Variants in TAFA1 observed in about 807,000 individuals in gnomAD.
TAFA1 encodes the protein TAFA chemokine like family member 1.
In TAFA1, 4 loss-of-function variants were observed where a neutral mutation model predicts 18.5. That is an observed-to-expected ratio of 0.22 (90% CI 0.11 to 0.49). TAFA1 has a LOEUF of 0.49. TAFA1 is among the 20% of genes least tolerant of loss of function. The pLI, the probability that TAFA1 is intolerant of heterozygous loss-of-function variation, is 0.98. For missense variants in TAFA1, 147 were observed against 169.0 expected (o/e 0.87, Z 0.72); for synonymous variants, 56 against 55.2 (o/e 1.01, Z -0.06).
chr3:68,530,071 G>A, intron 3 of TAFA1, among the ~76,000 whole-genome samples: 1 of 152,136 alleles, frequency 6.6e-6, no homozygotes. Context: ...GATCTAAACT[G>A]TCATCTTTGA....
intron 3 of TAFA1, among the ~76,000 whole-genome samples, chr3:68,443,791 A>G (rs1179854185): frequency 6.6e-6 from 1 of 152,200 alleles, no homozygotes; most frequent in African/African-American, 2.4e-5. Context: ...CAGCCAAACC[A>G]TATCAGGGTC....
chr3:68,287,232 GC>G (rs1559600251), intron 2 of TAFA1, among the ~76,000 whole-genome samples: 1 of 152,144 alleles, frequency 6.6e-6, no homozygotes, highest in African/African-American at 2.4e-5. Flanking sequence ...GCGGACACAA[GC>G]CAAAGTGGAA....
intron 3 of TAFA1, among the ~76,000 whole-genome samples, chr3:68,465,586 T>G (rs2071873145): frequency 6.6e-6 from 1 of 152,212 alleles, no homozygotes; most frequent in Admixed American, 6.6e-5. Flanking sequence ...AAAGTCTAGA[T>G]GCAGATATTT....
chr3:68,406,383 G>A (rs992628898), intron 2 of TAFA1, among the ~76,000 whole-genome samples: 2 of 152,108 alleles, frequency 1.3e-5, no homozygotes, highest in African/African-American at 4.8e-5. Context: ...GGGGATTTAA[G>A]TCAAGAATAT....
At chr3:68,365,176 A>T (rs1320542617) in intron 2 of TAFA1, among the ~76,000 whole-genome samples, 1 of 152,212 alleles carries the variant, frequency 6.6e-6, no homozygotes, top group Non-Finnish European at 1.5e-5. Context: ...CCCAGTAAGT[A>T]TACTGAGGTC....
chr3:68,205,049 T>G (rs532687200), intron 2 of TAFA1, among the ~76,000 whole-genome samples: 1 of 151,996 alleles, frequency 6.6e-6, no homozygotes, highest in Non-Finnish European at 1.5e-5. Context: ...TGTAATGTGT[T>G]GGAATTCCAT....
intron 2 of TAFA1, among the ~76,000 whole-genome samples, chr3:68,126,891 C>T (rs1270358955): frequency 3.3e-5 from 5 of 152,168 alleles, no homozygotes; most frequent in East Asian, 1.9e-4. Flanking sequence ...GTGATCTGCA[C>T]GACCTCTTCA....
intron 2 of TAFA1, among the ~76,000 whole-genome samples, chr3:68,404,691 G>C (rs769083562): frequency 1.3e-5 from 2 of 152,058 alleles, no homozygotes; most frequent in Non-Finnish European, 2.9e-5. Context: ...CAGCTACTTG[G>C]GAGGCTGAGG....
chr3:68,459,111 G>C (rs186051608), intron 3 of TAFA1, among the ~76,000 whole-genome samples: 1 of 152,056 alleles, frequency 6.6e-6, no homozygotes, highest in Non-Finnish European at 1.5e-5. Context: ...ACATTTGCCC[G>C]TCATTGAGTG....
chr3:68,226,901 G>T (rs1206668236), intron 2 of TAFA1, among the ~76,000 whole-genome samples: 2 of 152,134 alleles, frequency 1.3e-5, no homozygotes, highest in Non-Finnish European at 2.9e-5. Flanking sequence ...CTTGCAAAAG[G>T]TAGCAACCAG....
chr3:68,026,248 C>T (rs947036616), intron 2 of TAFA1, among the ~76,000 whole-genome samples: 3 of 151,862 alleles, frequency 2.0e-5, no homozygotes, highest in Admixed American at 6.6e-5. Context: ...GGCCCACAGA[C>T]GAATCCTTGT....
chr3:68,187,383 T>A (rs7635281), intron 2 of TAFA1, among the ~76,000 whole-genome samples: 100,612 of 151,856 alleles, frequency 0.66, 34,074 homozygotes, highest in South Asian at 0.77. Context: ...ATCACCTTCA[T>A]CCCTGGCCAA....
intron 2 of TAFA1, among the ~76,000 whole-genome samples, chr3:68,194,440 A>G (rs776053878): frequency 3.2e-4 from 48 of 151,760 alleles, no homozygotes; most frequent in African/African-American, 1.1e-3. Flanking sequence ...TAACCAGACA[A>G]TTTTCTTTGC....
chr3:68,454,702 A>G (rs1468304052), intron 3 of TAFA1, among the ~76,000 whole-genome samples: 2 of 152,112 alleles, frequency 1.3e-5, no homozygotes, highest in Admixed American at 1.3e-4. Context: ...TTGAGCCTCC[A>G]CACCCACACT....
chr3:68,341,294 C>T (rs753723381), intron 2 of TAFA1, among the ~76,000 whole-genome samples: 3 of 151,956 alleles, frequency 2.0e-5, no homozygotes, highest in African/African-American at 4.8e-5. Flanking sequence ...CAAAGGGGGT[C>T]GAAGTGAGTT....
At chr3:68,228,451 G>A (rs2066830489) in intron 2 of TAFA1, among the ~76,000 whole-genome samples, 1 of 152,096 alleles carries the variant, frequency 6.6e-6, no homozygotes, top group Non-Finnish European at 1.5e-5. Context: ...TGTCAGGCAT[G>A]ATAATCAGGC....
At chr3:68,149,120 A>T (rs1256515083) in intron 2 of TAFA1, among the ~76,000 whole-genome samples, 1 of 152,184 alleles carries the variant, frequency 6.6e-6, no homozygotes, top group Non-Finnish European at 1.5e-5. Context: ...ATATGTAGTA[A>T]GCAACGTTTT....
chr3:68,540,998 G>T (rs2073363840), intron 4 of TAFA1, among the ~76,000 whole-genome samples: 1 of 152,180 alleles, frequency 6.6e-6, no homozygotes, highest in Non-Finnish European at 1.5e-5. Context: ...TGGGTGGGCT[G>T]AATTCAACTC....
intron 2 of TAFA1, among the ~76,000 whole-genome samples, chr3:68,299,304 A>T (rs1400928910): frequency 1.3e-5 from 2 of 152,248 alleles, no homozygotes; most frequent in Non-Finnish European, 2.9e-5. Flanking sequence ...AGCAAAGAGA[A>T]GGGCAGCATT....
Sources: allele counts gnomAD v4.1 joint callset (sites outside exome capture counted in the v4.1 genomes callset), GRCh38; gene constraint gnomAD v4.1.1; transcripts MANE v1.5; gene names NCBI Gene and HGNC (gene_info 2026-07-23, HGNC 2026-07-21).